Variants in TRAPPC8 observed in about 807,000 individuals in gnomAD.
TRAPPC8 encodes general sporulation gene 1 homolog.
TRAPPC8 carries 54 observed loss-of-function variants against 174.3 expected under a neutral mutation model. The observed-to-expected ratio is 0.31, with a 90% confidence interval of 0.25 to 0.39. The LOEUF is 0.39. Among genes scored for constraint, TRAPPC8 ranks in the 10% least tolerant of loss-of-function variants. The pLI is 1.00. For synonymous variants in TRAPPC8, 630 were observed against 579.9 expected, an observed-to-expected ratio of 1.09 and a Z score of -1.24; for missense variants, 1,531 against 1,699.1, an observed-to-expected ratio of 0.90 and a Z score of 1.74.
At chr18:31,879,704 T>C (rs541393755) in intron 12 of TRAPPC8, among the ~76,000 whole-genome samples, 22 of 151,850 alleles carry the variant, frequency 1.4e-4, no homozygotes, top group South Asian at 4.2e-4. Flanking sequence ...ACAAACAAAA[T>C]TGATGAGACT....
chr18:31,853,640 C>A (rs746500472), intron 22 of TRAPPC8, among the ~76,000 whole-genome samples: 1 of 151,968 alleles, frequency 6.6e-6, no homozygotes, highest in Non-Finnish European at 1.5e-5. Context: ...GAAGAAAATA[C>A]AAGTATAAAA....
chr18:31,908,293 C>T lies in TRAPPC8; in HGVS notation c.1238+10G>A, dbSNP rs373324722. On this transcript the variant is annotated intron_variant, in intron 8 of 28. Transcript: ENST00000283351. ...CAGAGGAAAAACAAAAATGATAACA[C>T]TTTACTCACAGCAAGCCAGATGTAT... is the stretch of plus-strand genomic sequence containing the variant. 1 of 1,574,200 alleles carries T rather than the reference C, an allele frequency of 6.4e-7. No homozygotes were observed. The highest frequency in any genetic ancestry group is 2.3e-5 in the East Asian group (1 of 43,532).
At chr18:31,852,251 G>C (rs953476817) in intron 24 of TRAPPC8, among the ~76,000 whole-genome samples, 195 bp downstream of exon 24, 1 of 152,134 alleles carries the variant, frequency 6.6e-6, no homozygotes, top group African/African-American at 2.4e-5. Flanking sequence ...TGAGGGGGGA[G>C]GATCACTTGA....
chr18:31,870,905 A>T (rs775729650), intron 15 of TRAPPC8, 21 bp downstream of exon 15: 13 of 1,482,292 alleles, frequency 8.8e-6, no homozygotes, highest in South Asian at 1.4e-5. Context: ...AAAAACAGAA[A>T]TAAAAATTCA....
intron 19 of TRAPPC8, among the ~76,000 whole-genome samples, chr18:31,858,744 G>A (rs970559399): frequency 6.6e-6 from 1 of 152,184 alleles, no homozygotes. Context: ...TAAAGAGACA[G>A]AAATTTGGGC....
chr18:31,924,024 C>T (rs1331667686), intron 2 of TRAPPC8, among the ~76,000 whole-genome samples: 2 of 152,172 alleles, frequency 1.3e-5, no homozygotes, highest in Admixed American at 6.5e-5. Flanking sequence ...TGGCTCATGC[C>T]TATAATCCCA....
rs755909425 is a variant in TRAPPC8, at chr18:31,916,356, T to A, written c.533A>T (p.Asp178Val). 6.2e-7 allele frequency: 1 copy of A among 1,613,910 alleles called. No individual in the cohort carries two copies. Reference sequence around the variant, plus strand: ...TATAAACCACTTGGGGTAGGAATAATCACTGTTGTGCTGAATTCGATGCTG... The same window carrying A: ...TATAAACCACTTGGGGTAGGAATAAACACTGTTGTGCTGAATTCGATGCTG... ...QEQHRIQHNS[D>V]YSYPKWFIPN... Residue 178 changes from aspartate (D) to valine (V), a missense_variant, in exon 4 of 29, where the codon GAT becomes GTT. Transcript: ENST00000283351.
intron 25 of TRAPPC8, among the ~76,000 whole-genome samples, 188 bp downstream of exon 25, chr18:31,849,378 G>A (rs1257908133): frequency 4.0e-5 from 6 of 151,826 alleles, no homozygotes; most frequent in Non-Finnish European, 5.9e-5. Context: ...CAGTAACACA[G>A]AAGAATGTTA....
At chr18:31,928,304 G>C (rs933898353) in intron 2 of TRAPPC8, among the ~76,000 whole-genome samples, 2 of 151,262 alleles carry the variant, frequency 1.3e-5, no homozygotes, top group Non-Finnish European at 3.0e-5. Flanking sequence ...TTCAACACCA[G>C]CCTGCTAATA....
intron 5 of TRAPPC8, among the ~76,000 whole-genome samples, chr18:31,911,927 T>C (rs2036929427): frequency 6.7e-6 from 1 of 149,554 alleles, no homozygotes; most frequent in African/African-American, 2.5e-5. Context: ...CTCTCGATTA[T>C]CTGAACTAAG....
intron 9 of TRAPPC8, among the ~76,000 whole-genome samples, chr18:31,902,987 C>T (rs577260093): frequency 2.0e-5 from 3 of 150,950 alleles, no homozygotes; most frequent in East Asian, 3.9e-4. Flanking sequence ...GGAGCGGAGC[C>T]TGCAGTGAGC....
At chr18:31,867,646 T>C (rs572335074) in intron 16 of TRAPPC8, among the ~76,000 whole-genome samples, 170 bp from the exon 17 acceptor site, 9 of 152,220 alleles carry the variant, frequency 5.9e-5, no homozygotes, top group Non-Finnish European at 8.8e-5. Context: ...ACAACTAGAG[T>C]AGACCCAGGC....
At chr18:31,836,206 T>C (rs528992885) in intron 27 of TRAPPC8, among the ~76,000 whole-genome samples, 18 of 152,298 alleles carry the variant, frequency 1.2e-4, no homozygotes, top group East Asian at 7.7e-4. Context: ...AGCCCAAGCA[T>C]TGGAAATGTC....
At chr18:31,933,560 G>A (rs529189661) in intron 1 of TRAPPC8, among the ~76,000 whole-genome samples, 20 of 152,198 alleles carry the variant, frequency 1.3e-4, no homozygotes, top group African/African-American at 2.2e-4. Context: ...TAATGAAGGC[G>A]GTATAGCAGC....
At chr18:31,859,062 C>T (rs764820782) in intron 19 of TRAPPC8, among the ~76,000 whole-genome samples, 2 of 151,974 alleles carry the variant, frequency 1.3e-5, no homozygotes, top group Non-Finnish European at 2.9e-5. Context: ...CACTGCACTC[C>T]AGCCTGGGTG....
chr18:31,918,310 T>A (rs936344865), intron 2 of TRAPPC8, among the ~76,000 whole-genome samples: 4 of 152,156 alleles, frequency 2.6e-5, no homozygotes, highest in African/African-American at 4.8e-5. Flanking sequence ...GCTCTAAATA[T>A]TACCTACATG....
At chr18:31,853,698 T>C (rs185332742) in intron 22 of TRAPPC8, 151 bp downstream of exon 22, 12 of 568,186 alleles carry the variant, frequency 2.1e-5, no homozygotes, top group South Asian at 5.1e-5. Context: ...TCAAGATAGG[T>C]AATTTGACTT....
In TRAPPC8 at chr18:31,839,375, G is replaced by T. The variant is rs528072605; in HGVS notation, c.3920C>A (p.Ser1307Tyr). ...GTGAAGACTCGTTTTAATGAGACTA[G>T]AAAGCTGCTCTACTGATGGCCTTGA... ...VSSRPSVEQL[S>Y]SLIKTSLHYP... is the part of the protein sequence containing the mutation. Residue 1307 changes from serine to tyrosine, a missense_variant, in exon 27 of 29, where the codon TCT becomes TAT. Coordinates refer to ENST00000283351, the MANE Select transcript of TRAPPC8 (RefSeq NM_014939.5). 2.3e-4 allele frequency: 378 copies of T among 1,612,386 alleles called. 6 individuals are homozygous for T. The South Asian group carries it at 4.0e-3, about 17-fold the overall frequency.
intron 1 of TRAPPC8, among the ~76,000 whole-genome samples, chr18:31,939,056 C>T (rs1479208196): frequency 7.4e-6 from 1 of 135,164 alleles, no homozygotes; most frequent in Non-Finnish European, 1.5e-5. Context: ...TGCACTCCAG[C>T]CTGGTGACAG....
Sources: gnomAD v4.1 joint callset for allele counts (sites outside exome capture counted in the v4.1 genomes callset) on GRCh38, gnomAD v4.1.1 for gene constraint, MANE v1.5 for transcripts, NCBI Gene and HGNC (gene_info 2026-07-23, HGNC 2026-07-21) for gene names.